Variants in PLCXD3 observed in about 807,000 individuals in gnomAD.
PLCXD3 encodes phosphatidylinositol specific phospholipase C X domain containing 3.
In PLCXD3, 19 loss-of-function variants were observed where a neutral mutation model predicts 25.5. That is an observed-to-expected ratio of 0.75 (90% CI 0.52 to 1.09). The LOEUF (loss-of-function observed/expected upper bound fraction) is 1.09, where lower values mean the gene tolerates loss of function less well. Among genes scored for constraint, PLCXD3 ranks in the 50% least tolerant of loss-of-function variants. The pLI, the probability that PLCXD3 is intolerant of heterozygous loss-of-function variation, is 0.00. For synonymous variants in PLCXD3, 174 were observed against 137.6 expected (o/e 1.26, Z -1.85); for missense variants, 411 against 388.1 (o/e 1.06, Z -0.50).
chr5:41,363,859 C>CA (rs1238273033), intron 2 of PLCXD3, among the ~76,000 whole-genome samples: 48 of 152,306 alleles, frequency 3.2e-4, no homozygotes, highest in African/African-American at 1.1e-3. Flanking sequence ...TGTCAGTAGA[C>CA]ACTAAAAATG....
chr5:41,390,763 G>A (rs1745788501), intron 1 of PLCXD3, among the ~76,000 whole-genome samples: 1 of 152,150 alleles, frequency 6.6e-6, no homozygotes, highest in Admixed American at 6.6e-5. Context: ...AAAATCAGAT[G>A]ACCACTCATA....
At chr5:41,326,979 A>G (rs1248856400) in intron 2 of PLCXD3, among the ~76,000 whole-genome samples, 1 of 152,178 alleles carries the variant, frequency 6.6e-6, no homozygotes, top group Non-Finnish European at 1.5e-5. Flanking sequence ...GTACAATAGA[A>G]GTGGGCATAG....
intron 1 of PLCXD3, among the ~76,000 whole-genome samples, chr5:41,493,750 G>C (rs1017275089): frequency 3.9e-5 from 6 of 152,198 alleles, no homozygotes; most frequent in African/African-American, 7.2e-5. Context: ...CAGGTGCCGG[G>C]TATAATCTCC....
intron 2 of PLCXD3, among the ~76,000 whole-genome samples, chr5:41,338,480 A>G (rs1041829146): frequency 2.0e-5 from 3 of 152,064 alleles, no homozygotes; most frequent in Non-Finnish European, 4.4e-5. Flanking sequence ...CAAATCACCA[A>G]TGACATCTAG....
chr5:41,314,217 C>G (rs373145357), intron 2 of PLCXD3, among the ~76,000 whole-genome samples: 1 of 152,136 alleles, frequency 6.6e-6, no homozygotes, highest in African/African-American at 2.4e-5. Context: ...ATAGTAAAAT[C>G]CCCTGCCTTC....
chr5:41,361,998 C>T (rs1744793313), intron 2 of PLCXD3, among the ~76,000 whole-genome samples: 1 of 152,164 alleles, frequency 6.6e-6, no homozygotes, highest in Non-Finnish European at 1.5e-5. Context: ...TCAGTTAGTA[C>T]ATTGACCAAG....
intron 1 of PLCXD3, among the ~76,000 whole-genome samples, chr5:41,459,173 G>T (rs144095982): frequency 6.6e-6 from 1 of 151,780 alleles, no homozygotes; most frequent in Non-Finnish European, 1.5e-5. Flanking sequence ...TACATTTAAG[G>T]TTTGAGAAGA....
chr5:41,400,190 T>C (rs1452277897), intron 1 of PLCXD3, among the ~76,000 whole-genome samples: 1 of 151,880 alleles, frequency 6.6e-6, no homozygotes, highest in Non-Finnish European at 1.5e-5. Flanking sequence ...GCCAATAATA[T>C]ATGCTGGAGA....
chr5:41,418,469 T>C (rs1161973228), intron 1 of PLCXD3, among the ~76,000 whole-genome samples: 1 of 151,654 alleles, frequency 6.6e-6, no homozygotes, highest in African/African-American at 2.4e-5. Flanking sequence ...TAGAAACAGC[T>C]GTAAGGTCTT....
chr5:41,420,930 T>A (rs549330664), intron 1 of PLCXD3, among the ~76,000 whole-genome samples: 1 of 152,320 alleles, frequency 6.6e-6, no homozygotes, highest in Admixed American at 6.5e-5. Flanking sequence ...AAAATGCTAC[T>A]ATTTATTAAT....
At chr5:41,321,177 G>C (rs963813725) in intron 2 of PLCXD3, among the ~76,000 whole-genome samples, 11 of 152,158 alleles carry the variant, frequency 7.2e-5, no homozygotes, top group Non-Finnish European at 1.0e-4. Flanking sequence ...CAGATGATAT[G>C]ATCTTATATT....
At chr5:41,438,446 A>G (rs533452936) in intron 1 of PLCXD3, among the ~76,000 whole-genome samples, 2 of 152,238 alleles carry the variant, frequency 1.3e-5, no homozygotes, top group African/African-American at 4.8e-5. Flanking sequence ...AATAATGCCC[A>G]CCTGCACGCT....
chr5:41,422,647 CTTCAT>C (rs1313495914), intron 1 of PLCXD3, among the ~76,000 whole-genome samples: 2 of 152,182 alleles, frequency 1.3e-5, no homozygotes, highest in Non-Finnish European at 2.9e-5. Flanking sequence ...TTATATTTCT[CTTCAT>C]TTCCTCAGAT....
chr5:41,432,241 G>A (rs1014817283), intron 1 of PLCXD3, among the ~76,000 whole-genome samples: 30 of 152,192 alleles, frequency 2.0e-4, no homozygotes, highest in Non-Finnish European at 8.8e-5. Flanking sequence ...TCCCTACTAC[G>A]TAATTCAAAA....
chr5:41,500,260 G>T (rs763290371), intron 1 of PLCXD3, among the ~76,000 whole-genome samples: 3 of 151,756 alleles, frequency 2.0e-5, no homozygotes, highest in Non-Finnish European at 3.0e-5. Flanking sequence ...TAATAAGGTC[G>T]CTTCTTTTGC....
rs1393338886 is a variant in PLCXD3 at position 41,313,340 on chromosome 5, C to A, written c.*277G>T. Reference sequence around the variant, plus strand: ...GTAAACACTCATGAATTCTATGTTACAAAGACTAATTTTGAAAAACAAAGT... The same window carrying A: ...GTAAACACTCATGAATTCTATGTTAAAAAGACTAATTTTGAAAAACAAAGT... On this transcript the variant is annotated 3_prime_UTR_variant, in exon 3 of 3. Transcript: ENST00000377801. The A allele has an allele frequency of 1.4e-5, 5 of 365,232 alleles. No individual in the cohort carries two copies. Among genetic ancestry groups the A allele is most frequent in the African/African-American group, 1.1e-4 (5 of 45,868 alleles). The allele number at this position is 365,232 out of a possible 1,614,324, so 22.6% of individuals were successfully genotyped here. A position where few individuals can be genotyped will look rare whatever the true frequency, so the allele number is the denominator to read the frequency against.
At chr5:41,404,827 T>A (rs1746304861) in intron 1 of PLCXD3, among the ~76,000 whole-genome samples, 1 of 152,160 alleles carries the variant, frequency 6.6e-6, no homozygotes, top group Admixed American at 6.6e-5. Context: ...CAATTTCATC[T>A]GTGACCCTTC....
At chr5:41,386,880 T>G (rs1026371301) in intron 1 of PLCXD3, among the ~76,000 whole-genome samples, 1 of 151,944 alleles carries the variant, frequency 6.6e-6, no homozygotes, top group Non-Finnish European at 1.5e-5. Context: ...AAAAGACTGA[T>G]CCTTATCACC....
chr5:41,487,018 A>G (rs1366810203), intron 1 of PLCXD3, among the ~76,000 whole-genome samples: 2 of 149,012 alleles, frequency 1.3e-5, no homozygotes, highest in Non-Finnish European at 3.0e-5. Flanking sequence ...TTAAAAACCA[A>G]AGCAGTGTTA....
Sources: allele counts gnomAD v4.1 joint callset (sites outside exome capture counted in the v4.1 genomes callset), GRCh38; gene constraint gnomAD v4.1.1; transcripts MANE v1.5; gene names NCBI Gene and HGNC (gene_info 2026-07-23, HGNC 2026-07-21).